The following UBA2 variants were observed in gnomAD, a reference collection of about 807,000 sequenced individuals.
UBA2 encodes ubiquitin like modifier activating enzyme 2.
UBA2 carries 11 observed loss-of-function variants against 77.2 expected under a neutral mutation model. That is an observed-to-expected ratio of 0.14 (90% CI 0.09 to 0.24). The LOEUF (loss-of-function observed/expected upper bound fraction) is 0.24. Among genes scored for constraint, UBA2 ranks in the 10% least tolerant of loss-of-function variants. The pLI is 1.00. For synonymous variants in UBA2, 278 were observed against 276.7 expected (o/e 1.00, Z -0.05); for missense variants, 487 against 781.7 (o/e 0.62, Z 4.50).
intron 15 of UBA2, among the ~76,000 whole-genome samples, chr19:34,465,409 C>T (rs896358232): frequency 2.0e-5 from 3 of 151,854 alleles, no homozygotes; most frequent in South Asian, 2.1e-4. Flanking sequence ...GAGGCTGAGG[C>T]GGGTGGATCA....
chr19:34,432,070 G>T, intron 3 of UBA2, 139 bp downstream of exon 3: 1 of 582,192 alleles, frequency 1.7e-6, no homozygotes, highest in South Asian at 2.5e-5. Flanking sequence ...TTACAGAGTG[G>T]CATTCTTTTT....
In UBA2 at chr19:34,458,769, AT is replaced by A; in HGVS notation, c.1253del (p.Leu418Ter). On this transcript the variant is annotated frameshift_variant and splice_region_variant, in exon 13 of 17. Transcript: ENST00000246548. LOFTEE classifies it high-confidence loss of function. ...TCTGCCTGTTATTTCTCCTCCAAAG[AT>A]TTTTTTGAATAAACAACCAAACCCA... ...LSGKIDQCRT[I>X]FLNKQPNPRK... is the part of the protein sequence containing the mutation. 6.2e-7 allele frequency: 1 copy of A among 1,607,928 alleles called. No homozygotes were observed. The highest frequency in any genetic ancestry group is 8.5e-7 in the Non-Finnish European group (1 of 1,177,952).
intron 15 of UBA2, 84 bp downstream of exon 15, chr19:34,464,215 C>A: frequency 1.1e-6 from 1 of 900,426 alleles, no homozygotes; most frequent in Non-Finnish European, 1.8e-6. Context: ...GTTTTCTTAT[C>A]CTTAAACCCT....
At chr19:34,468,155 A>C (rs976962093) in intron 16 of UBA2, among the ~76,000 whole-genome samples, 1 of 152,174 alleles carries the variant, frequency 6.6e-6, no homozygotes, top group Non-Finnish European at 1.5e-5. Context: ...TTAGTTAGGA[A>C]ACTAAAGGTT....
chr19:34,438,777 A>ATTCC lies in UBA2; in HGVS notation c.581+12_581+13insTCCT, dbSNP rs751341763. ...AAAGTACTTGTTCAAGTAAGAGTGTATATTTCTTGGCATGCTTTTCGGTAC... is the reference window on the plus strand; with the variant it reads ...AAAGTACTTGTTCAAGTAAGAGTGTATTCCTATTTCTTGGCATGCTTTTCGGTAC... On this transcript the variant is annotated intron_variant, in intron 6 of 16. Coordinates refer to ENST00000246548, the MANE Select transcript of UBA2 (RefSeq NM_005499.3). The ATTCC allele has an allele frequency of 6.2e-7, 1 of 1,612,350 alleles. No individual in the cohort carries two copies. Among genetic ancestry groups the ATTCC allele is most frequent in the Admixed American group, 1.7e-5 (1 of 59,516 alleles).
At chr19:34,430,780 A>G in intron 2 of UBA2, 121 bp downstream of exon 2, 1 of 702,906 alleles carries the variant, frequency 1.4e-6, no homozygotes, top group South Asian at 1.8e-5. Flanking sequence ...CAGCTGAGAG[A>G]TTGTGAAGGA....
At chr19:34,459,057 C>A in intron 13 of UBA2, 133 bp downstream of exon 13, 1 of 957,288 alleles carries the variant, frequency 1.0e-6, no homozygotes, top group Non-Finnish European at 1.5e-6. Flanking sequence ...GGTTATTTTG[C>A]CTTCTGGATT....
At chr19:34,451,133 C>T (rs2075490797) in intron 9 of UBA2, among the ~76,000 whole-genome samples, 1 of 152,088 alleles carries the variant, frequency 6.6e-6, no homozygotes, top group Admixed American at 6.6e-5. Context: ...TCCTGAGTAG[C>T]TGGGACTGTA....
At position 34,438,637 on chromosome 19, in the gene UBA2, C is replaced by G. The variant is rs780233262; in HGVS notation, c.460-8C>G. ...GGAGTAAATTTTTCTCATATCCTGA[C>G]TTCATAGGGTGTGACCGAGTGTTAT... On this transcript the variant is annotated splice_polypyrimidine_tract_variant and splice_region_variant and intron_variant, in intron 5 of 16. Coordinates refer to ENST00000246548, the MANE Select transcript of UBA2 (RefSeq NM_005499.3). 6.2e-7 allele frequency: 1 copy of G among 1,613,480 alleles called. No homozygotes were observed. Among genetic ancestry groups the G allele is most frequent in the Non-Finnish European group, 8.5e-7 (1 of 1,179,824 alleles).
chr19:34,454,235 G>T (rs373134964), intron 10 of UBA2, 25 bp from the exon 11 acceptor site: 1 of 1,578,716 alleles, frequency 6.3e-7, no homozygotes, highest in Non-Finnish European at 8.6e-7. Flanking sequence ...GGAGAAACTT[G>T]TTAAATTGTT....
At chr19:34,435,601 A>G (rs1212570091) in intron 5 of UBA2, among the ~76,000 whole-genome samples, 1 of 150,196 alleles carries the variant, frequency 6.7e-6, no homozygotes, top group South Asian at 2.1e-4. Context: ...AGGCTGAGGT[A>G]GGCAGATGAC....
intron 12 of UBA2, among the ~76,000 whole-genome samples, chr19:34,456,359 C>G (rs2075563078): frequency 6.6e-6 from 1 of 151,656 alleles, no homozygotes; most frequent in South Asian, 2.1e-4. Context: ...AGTGATCCGC[C>G]CTTCTCAGCC....
intron 8 of UBA2, among the ~76,000 whole-genome samples, chr19:34,446,756 G>A (rs572788294): frequency 4.6e-5 from 7 of 152,006 alleles, no homozygotes; most frequent in South Asian, 2.1e-4. Flanking sequence ...TTACAGGTCC[G>A]CCACTATGCC....
intron 14 of UBA2, among the ~76,000 whole-genome samples, chr19:34,463,502 G>A (rs933162334): frequency 6.6e-6 from 1 of 152,168 alleles, no homozygotes; most frequent in Non-Finnish European, 1.5e-5. Context: ...CTTGCAGATA[G>A]CTGCCTTTCT....
intron 5 of UBA2, among the ~76,000 whole-genome samples, chr19:34,437,358 C>G (rs974515291): frequency 2.0e-5 from 3 of 150,534 alleles, no homozygotes; most frequent in Middle Eastern, 3.5e-3. Flanking sequence ...GCCTGTAATC[C>G]CAGCACTTTG....
intron 3 of UBA2, among the ~76,000 whole-genome samples, chr19:34,432,965 G>A (rs1233482776): frequency 6.6e-6 from 1 of 152,048 alleles, no homozygotes; most frequent in Non-Finnish European, 1.5e-5. Flanking sequence ...AGACCCTAGG[G>A]GCCTGAACCC....
chr19:34,436,639 T>G (rs2075311902), intron 5 of UBA2, among the ~76,000 whole-genome samples: 1 of 152,228 alleles, frequency 6.6e-6, no homozygotes, highest in Admixed American at 6.5e-5. Flanking sequence ...CTTCATTTGC[T>G]ATTCAGATAT....
chr19:34,444,846 C>T (rs2075411249), intron 7 of UBA2, among the ~76,000 whole-genome samples, 154 bp from the exon 8 acceptor site: 1 of 152,148 alleles, frequency 6.6e-6, no homozygotes, highest in Admixed American at 6.5e-5. Flanking sequence ...CAAAAAGATG[C>T]TGATGAATGT....
At chr19:34,463,529 T>C (rs2075654723) in intron 14 of UBA2, among the ~76,000 whole-genome samples, 1 of 152,168 alleles carries the variant, frequency 6.6e-6, no homozygotes, top group Non-Finnish European at 1.5e-5. Flanking sequence ...TCACATAGCC[T>C]TTCCTCTAGG....
Sources: allele counts gnomAD v4.1 joint callset (sites outside exome capture counted in the v4.1 genomes callset), GRCh38; gene constraint gnomAD v4.1.1; transcripts MANE v1.5; gene names NCBI Gene and HGNC (gene_info 2026-07-23, HGNC 2026-07-21).